Variants in FCHO2 observed in about 807,000 individuals in gnomAD.
FCHO2 encodes the protein F-BAR domain only protein 2.
Under a neutral mutation model 114.1 loss-of-function variants are expected in FCHO2, and 43 were observed. The ratio of observed to expected loss-of-function variants is 0.38; its 90% CI spans 0.30 to 0.49. FCHO2 has a LOEUF of 0.49. Among genes scored for constraint, FCHO2 ranks in the 20% least tolerant of loss-of-function variants. FCHO2 has a pLI of 0.97. For synonymous variants in FCHO2, 293 were observed against 315.2 expected, an observed-to-expected ratio of 0.93 and a Z score of 0.75; for missense variants, 807 against 950.4, an observed-to-expected ratio of 0.85 and a Z score of 1.98.
chr5:73,037,915 C>T, intron 10 of FCHO2: 1 of 308,376 alleles, frequency 3.2e-6, no homozygotes, highest in South Asian at 2.4e-5. Flanking sequence ...CCCACCACCA[C>T]ATCTGGCTAA....
intron 19 of FCHO2, among the ~76,000 whole-genome samples, chr5:73,072,541 G>C (rs1379907641): frequency 1.3e-5 from 2 of 152,010 alleles, no homozygotes; most frequent in Admixed American, 6.6e-5. Context: ...GCAAAATGTG[G>C]TATATGCATA....
intron 1 of FCHO2, among the ~76,000 whole-genome samples, chr5:72,957,764 T>G (rs1751636847): frequency 1.3e-5 from 2 of 152,354 alleles, no homozygotes; most frequent in Admixed American, 1.3e-4. Flanking sequence ...GCCATACTAT[T>G]CTGAAGTGGT....
In FCHO2 at chr5:73,031,915, A is replaced by T. The variant is rs114487323; in HGVS notation, c.797-2742A>T. ...CAAAAGAATTAATTGAGTCTAAAAC[A>T]GTTAAAATTCCAGTTGTAGCAAACT... On this transcript the variant is annotated intron_variant, in intron 8 of 25. Coordinates refer to ENST00000430046, the MANE Select transcript of FCHO2 (RefSeq NM_138782.3). Among the ~76,000 whole-genome samples, 312 of 152,394 alleles carry T rather than the reference A, an allele frequency of 2.0e-3. 3 individuals carry two copies. The highest frequency in any genetic ancestry group is 7.3e-3 in the African/African-American group (303 of 41,600).
At chr5:72,972,050 A>G (rs893383977) in intron 2 of FCHO2, among the ~76,000 whole-genome samples, 7 of 151,806 alleles carry the variant, frequency 4.6e-5, no homozygotes, top group African/African-American at 7.3e-5. Context: ...GTTCTGTTCC[A>G]TTGATCTATA....
At chr5:72,995,087 A>G (rs969349578) in intron 5 of FCHO2, among the ~76,000 whole-genome samples, 1 of 152,098 alleles carries the variant, frequency 6.6e-6, no homozygotes, top group African/African-American at 2.4e-5. Flanking sequence ...TATATAAGAA[A>G]CCTTCACATG....
At chr5:72,989,105 G>T (rs1753692530) in intron 2 of FCHO2, among the ~76,000 whole-genome samples, 1 of 152,126 alleles carries the variant, frequency 6.6e-6, no homozygotes, top group Non-Finnish European at 1.5e-5. Flanking sequence ...AGCTACTCAG[G>T]AGGCTGAGGT....
At chr5:73,027,020 T>G (rs887974463) in intron 8 of FCHO2, among the ~76,000 whole-genome samples, 37 of 125,262 alleles carry the variant, frequency 3.0e-4, no homozygotes, top group Non-Finnish European at 5.1e-4. Context: ...GTTTGTTTGT[T>G]TTTTTTTTTT....
chr5:73,059,080 A>C lies in FCHO2; in HGVS notation c.1345+556A>C, dbSNP rs116511234. 2.0e-3 allele frequency among the ~76,000 whole-genome samples: 311 copies of C among 152,310 alleles called. 3 individuals are homozygous for C. The highest frequency in any genetic ancestry group is 7.3e-3 in the African/African-American group (302 of 41,576). On this transcript the variant is annotated intron_variant, in intron 17 of 25. Coordinates refer to ENST00000430046, the MANE Select transcript of FCHO2 (RefSeq NM_138782.3). Reference sequence around the variant, plus strand: ...AATGTTTTTTAGTTGTTTTGGCAATAATATATGAAGTTTCTCTTTTCATTA... The same window carrying C: ...AATGTTTTTTAGTTGTTTTGGCAATCATATATGAAGTTTCTCTTTTCATTA...
At chr5:72,970,579 T>C (rs1184713700) in intron 2 of FCHO2, among the ~76,000 whole-genome samples, 1 of 152,012 alleles carries the variant, frequency 6.6e-6, no homozygotes, top group Non-Finnish European at 1.5e-5. Flanking sequence ...TTATATTTTA[T>C]CCCTCTGAAT....
chr5:73,086,520 T>C (rs1561500991), intron 24 of FCHO2, among the ~76,000 whole-genome samples: 1 of 152,228 alleles, frequency 6.6e-6, no homozygotes, highest in Non-Finnish European at 1.5e-5. Flanking sequence ...CCTAGACTCC[T>C]CCTTTCTCAT....
Position 72,997,678 on chromosome 5 carries a change from G to C in FCHO2, c.495+6814G>C, listed in dbSNP as rs1754197908. The C allele has an allele frequency of 6.4e-6, 10 of 1,553,608 alleles. No homozygotes were observed. In the South Asian group the frequency reaches 1.1e-4, roughly 17 times the overall value. On this transcript the variant is annotated intron_variant, in intron 5 of 25. Coordinates refer to ENST00000430046, the MANE Select transcript of FCHO2 (RefSeq NM_138782.3). Reference sequence around the variant, plus strand: ...TCCCCCTTCACCTGAGTTGGGGTTGGGGGAAAGGGAGGGCGAGCCCTTGGG... The same window carrying C: ...TCCCCCTTCACCTGAGTTGGGGTTGCGGGAAAGGGAGGGCGAGCCCTTGGG...
chr5:73,027,733 A>G (rs1756016347), intron 8 of FCHO2, among the ~76,000 whole-genome samples: 1 of 152,236 alleles, frequency 6.6e-6, no homozygotes, highest in African/African-American at 2.4e-5. Context: ...TTTTGTATAC[A>G]TGTTAATACA....
rs1382830394 is a variant in FCHO2, at chr5:73,081,765, G to T, written c.1981-18G>T. ...CTTTTCAGGCCAAAAACAATTGTTT[G>T]TTCTTTTCTCTTTAAAGGTATCATC... is the stretch of plus-strand genomic sequence containing the variant. On this transcript the variant is annotated intron_variant, in intron 22 of 25. Transcript: ENST00000430046. The T allele has an allele frequency of 6.2e-6, 9 of 1,456,096 alleles. No individual in the cohort carries two copies. The highest frequency in any genetic ancestry group is 8.2e-6 in the Non-Finnish European group (9 of 1,094,554). 90.2% of individuals were successfully genotyped at this position (1,456,096 alleles called of 1,614,324 possible).
chr5:72,993,666 T>G (rs1417898749), intron 5 of FCHO2, among the ~76,000 whole-genome samples: 1 of 152,190 alleles, frequency 6.6e-6, no homozygotes, highest in African/African-American at 2.4e-5. Context: ...TTGAATTGCC[T>G]GTACAAACTT....
At chr5:72,993,626 A>G (rs933856273) in intron 5 of FCHO2, among the ~76,000 whole-genome samples, 4 of 152,094 alleles carry the variant, frequency 2.6e-5, no homozygotes, top group East Asian at 1.9e-4. Context: ...TTGTATAGTC[A>G]TGGTTGGTAA....
intron 8 of FCHO2, chr5:73,020,603 G>C: frequency 1.4e-6 from 1 of 707,060 alleles, no homozygotes; most frequent in South Asian, 1.6e-5. Flanking sequence ...GGGAGAAGGG[G>C]AATGATGGGT....
At chr5:72,998,441 C>G (rs760181296) in intron 5 of FCHO2, among the ~76,000 whole-genome samples, 18 of 151,560 alleles carry the variant, frequency 1.2e-4, no homozygotes, top group Admixed American at 2.6e-4. Context: ...GAGCCGAGAT[C>G]GAGCCACTGC....
At position 72,968,585 on chromosome 5, in the gene FCHO2, G is replaced by T; in HGVS notation, c.121G>T (p.Glu41Ter). The T allele has an allele frequency of 6.6e-7, 1 of 1,522,130 alleles. No homozygotes were observed. Among genetic ancestry groups the T allele is most frequent in the South Asian group, 1.3e-5 (1 of 74,276 alleles). The allele number at this position is 1,522,130 out of a possible 1,614,324, so 94.3% of individuals were successfully genotyped here. ...AAAAGAACTAGCAGATTTTGTAAGG[G>T]AACGGTATGTATTTTTTAAATAAGT... The part of the protein sequence containing the change: ...STKELADFVR[E>*]RATIEEAYSR... The change falls in exon 2 of 26, where the codon GAA becomes TAA. Residue 41 changes from glutamate to a stop codon, truncating the protein, a stop_gained. Transcript: ENST00000430046. LOFTEE classifies it high-confidence loss of function.
intron 9 of FCHO2, among the ~76,000 whole-genome samples, chr5:73,035,788 C>T (rs954864079): frequency 3.3e-5 from 5 of 152,012 alleles, no homozygotes; most frequent in African/African-American, 1.2e-4. Context: ...AGGCGTGAGC[C>T]ACCACACCCA....
Sources: allele counts gnomAD v4.1 joint callset (sites outside exome capture counted in the v4.1 genomes callset), GRCh38; gene constraint gnomAD v4.1.1; transcripts MANE v1.5; gene names NCBI Gene and HGNC (gene_info 2026-07-23, HGNC 2026-07-21).